TCAIM: variants seen among roughly 807,000 people sequenced by gnomAD.
TCAIM encodes the protein T cell activation inhibitor, mitochondrial, also known as T-cell activation inhibitor, mitochondrial.
In TCAIM, 36 loss-of-function variants were observed where a neutral mutation model predicts 58.6. The observed-to-expected ratio is 0.61, with a 90% CI of 0.47 to 0.81. The LOEUF is 0.81. TCAIM is among the 30% of genes least tolerant of loss of function. The pLI, the probability that TCAIM is intolerant of heterozygous loss-of-function variation, is 0.00. For synonymous variants in TCAIM, 172 were observed against 193.6 expected (o/e 0.89, Z 0.93); for missense variants, 466 against 579.6 (o/e 0.80, Z 2.01).
At chr3:44,340,036 T>C (rs1700824641) in intron 1 of TCAIM, 1 of 152,218 alleles carries the variant, frequency 6.6e-6, no homozygotes. Context: ...TATAGTGGGC[T>C]AAGTGCAGTA....
chr3:44,358,099 T>C (rs1701231833), intron 3 of TCAIM: 2 of 1,425,378 alleles, frequency 1.4e-6, no homozygotes, highest in Non-Finnish European at 1.8e-6. Context: ...ATTTAAACTC[T>C]TTAGAGTACT....
chr3:44,401,894 G>A (rs1467316734), intron 10 of TCAIM, among the ~76,000 whole-genome samples: 1 of 152,040 alleles, frequency 6.6e-6, no homozygotes, highest in African/African-American at 2.4e-5. Context: ...TTATCCAGGT[G>A]TTATGGCGGT....
At chr3:44,367,780 CAA>C in intron 5 of TCAIM, 72 bp downstream of exon 5, 1 of 1,378,010 alleles carries the variant, frequency 7.3e-7, no homozygotes, top group Non-Finnish European at 9.6e-7. Context: ...ATTGGGATGG[CAA>C]AAACATTTTT....
chr3:44,366,185 A>G (rs1323682738), intron 4 of TCAIM, among the ~76,000 whole-genome samples: 1 of 151,712 alleles, frequency 6.6e-6, no homozygotes, highest in South Asian at 2.1e-4. Context: ...AACCATGCCT[A>G]ACACCCAGAA....
intron 5 of TCAIM, among the ~76,000 whole-genome samples, chr3:44,377,443 A>C (rs762998667): frequency 6.6e-6 from 1 of 152,158 alleles, no homozygotes; most frequent in Non-Finnish European, 1.5e-5. Flanking sequence ...TCAGTACTCC[A>C]CTCTCAATAG....
intron 1 of TCAIM, among the ~76,000 whole-genome samples, chr3:44,342,269 G>A (rs1700869119): frequency 6.6e-6 from 1 of 152,036 alleles, no homozygotes; most frequent in Non-Finnish European, 1.5e-5. Flanking sequence ...TTTGGAGTGG[G>A]GACAGAATGT....
intron 1 of TCAIM, chr3:44,341,106 T>A (rs878858050): frequency 4.6e-5 from 7 of 152,160 alleles, no homozygotes; most frequent in Non-Finnish European, 8.8e-5. Context: ...GAATATATTT[T>A]TATATATATA....
chr3:44,406,481 ATATT>A (rs377588938), intron 10 of TCAIM, among the ~76,000 whole-genome samples: 131,755 of 152,160 alleles, frequency 0.87, 57,455 homozygotes, highest in East Asian at 1. Context: ...TCTAAGCAGC[ATATT>A]CTAAGTAAGA....
intron 10 of TCAIM, among the ~76,000 whole-genome samples, chr3:44,404,955 A>T (rs1220663148): frequency 6.6e-6 from 1 of 152,078 alleles, no homozygotes; most frequent in Non-Finnish European, 1.5e-5. Flanking sequence ...CTGGACTCTC[A>T]GCTTGCTGAA....
At chr3:44,389,000 T>G (rs1701788432) in intron 5 of TCAIM, among the ~76,000 whole-genome samples, 1 of 152,210 alleles carries the variant, frequency 6.6e-6, no homozygotes, top group African/African-American at 2.4e-5. Context: ...TTTATATCTG[T>G]ATATATTAAA....
rs781064809 is a variant in TCAIM, at chr3:44,366,291, C to CT, written c.320-1151dup. Among the ~76,000 whole-genome samples, 1,087 of 144,278 alleles carry CT rather than the reference C, an allele frequency of 7.5e-3. 4 individuals carry two copies. The highest frequency in any genetic ancestry group is 0.019 in the African/African-American group (770 of 39,690). 94.7% of individuals were successfully genotyped at this position (144,278 alleles called of 152,430 possible). ...GATTACCCAACATCAAAATCAGTAA[C>CT]TTTTTTTTTTTTTTGAGACAGAGTC... On this transcript the variant is annotated intron_variant, in intron 4 of 10. Coordinates refer to ENST00000342649, the MANE Select transcript of TCAIM (RefSeq NM_173826.4).
chr3:44,374,993 G>A (rs1354064472), intron 5 of TCAIM, among the ~76,000 whole-genome samples: 2 of 152,050 alleles, frequency 1.3e-5, no homozygotes, highest in Non-Finnish European at 2.9e-5. Flanking sequence ...TATTTCAAAA[G>A]CATCATGACC....
At chr3:44,361,198 G>A (rs1469183639) in intron 3 of TCAIM, among the ~76,000 whole-genome samples, 167 bp from the exon 4 acceptor site, 1 of 152,140 alleles carries the variant, frequency 6.6e-6, no homozygotes, top group East Asian at 1.9e-4. Flanking sequence ...TACATGTTGT[G>A]AGATGTAGAT....
chr3:44,364,940 C>G (rs898263445), intron 4 of TCAIM, among the ~76,000 whole-genome samples: 4 of 152,196 alleles, frequency 2.6e-5, no homozygotes, highest in South Asian at 2.1e-4. Flanking sequence ...ATTCTCTCCC[C>G]AAAGCCACAA....
At chr3:44,405,013 C>T (rs1331655975) in intron 10 of TCAIM, among the ~76,000 whole-genome samples, 1 of 152,024 alleles carries the variant, frequency 6.6e-6, no homozygotes, top group Admixed American at 6.6e-5. Flanking sequence ...CTAGTATGTA[C>T]AACCCACATG....
chr3:44,358,098 C>CCA (rs1701231775), intron 3 of TCAIM: 1 of 1,420,738 alleles, frequency 7.0e-7, no homozygotes, highest in Admixed American at 3.0e-5. Flanking sequence ...CATTTAAACT[C>CCA]TTTAGAGTAC....
intron 4 of TCAIM, among the ~76,000 whole-genome samples, chr3:44,364,496 C>G (rs533823736): frequency 1.3e-5 from 2 of 152,192 alleles, no homozygotes; most frequent in East Asian, 3.9e-4. Flanking sequence ...TCCCAACACT[C>G]TTGAGAGGCC....
At chr3:44,378,877 G>A (rs1701609511) in intron 5 of TCAIM, among the ~76,000 whole-genome samples, 1 of 151,648 alleles carries the variant, frequency 6.6e-6, no homozygotes, top group South Asian at 2.1e-4. Context: ...TAAAAAGCCA[G>A]GCCAGGCACA....
At chr3:44,349,550 C>A (rs1290592962) in intron 1 of TCAIM, among the ~76,000 whole-genome samples, 2 of 151,984 alleles carry the variant, frequency 1.3e-5, no homozygotes, top group African/African-American at 2.4e-5. Flanking sequence ...GGGATACTTA[C>A]CCCCCAGGGG....
Sources: allele counts gnomAD v4.1 joint callset (sites outside exome capture counted in the v4.1 genomes callset), GRCh38; gene constraint gnomAD v4.1.1; transcripts MANE v1.5; gene names NCBI Gene and HGNC (gene_info 2026-07-23, HGNC 2026-07-21).